Variants in SYN2 observed in about 807,000 individuals in gnomAD.
The protein encoded by SYN2 is synapsin II, also known as synapsin-2.
A neutral mutation model predicts 50.9 loss-of-function variants in SYN2; 19 were observed. The observed-to-expected ratio is 0.37, with a 90% CI of 0.26 to 0.55. The LOEUF (loss-of-function observed/expected upper bound fraction) is 0.55. SYN2 is among the 20% of genes least tolerant of loss of function. The pLI is 0.81. For missense variants in SYN2, 587 were observed against 576.4 expected (o/e 1.02, Z -0.19); for synonymous variants, 255 against 224.9 (o/e 1.13, Z -1.20).
At chr3:12,115,683 T>C (rs1559425939) in intron 1 of SYN2, among the ~76,000 whole-genome samples, 1 of 152,204 alleles carries the variant, frequency 6.6e-6, no homozygotes, top group Non-Finnish European at 1.5e-5. Flanking sequence ...GGGTTCTGGC[T>C]GATGGTCTTT....
chr3:12,158,656 C>T, intron 5 of SYN2: 1 of 1,604,050 alleles, frequency 6.2e-7, no homozygotes, highest in South Asian at 1.1e-5. Flanking sequence ...GATACTAATC[C>T]CCCACAACCA....
chr3:12,086,916 G>C (rs1423045838), intron 1 of SYN2, among the ~76,000 whole-genome samples: 1 of 152,070 alleles, frequency 6.6e-6, no homozygotes, highest in Non-Finnish European at 1.5e-5. Flanking sequence ...AGGAGGAAGG[G>C]AAATTGTTTC....
intron 7 of SYN2, among the ~76,000 whole-genome samples, chr3:12,163,190 C>T (rs12486565): frequency 0.031 from 4,446 of 142,928 alleles, 147 homozygotes; most frequent in East Asian, 0.19. Flanking sequence ...TGCAATGAGC[C>T]GAGATCGCGC....
At chr3:12,108,810 A>T (rs1285852563) in intron 1 of SYN2, among the ~76,000 whole-genome samples, 2 of 24,346 alleles carry the variant, frequency 8.2e-5, no homozygotes, top group South Asian at 3.8e-3. Flanking sequence ...GTTGGGTTTA[A>T]AAAAAAAAAA....
intron 10 of SYN2, among the ~76,000 whole-genome samples, chr3:12,174,069 C>T (rs2125247198): frequency 6.6e-6 from 1 of 152,128 alleles, no homozygotes; most frequent in East Asian, 1.9e-4. Flanking sequence ...TTTCATTCTA[C>T]ATCATTGGCT....
chr3:12,186,065 C>T (rs962239062), intron 11 of SYN2, among the ~76,000 whole-genome samples: 7 of 152,180 alleles, frequency 4.6e-5, no homozygotes, highest in African/African-American at 1.7e-4. Context: ...GGGAACTGAG[C>T]GGATAGTCAT....
intron 1 of SYN2, among the ~76,000 whole-genome samples, chr3:12,100,822 C>T (rs1696057455): frequency 6.6e-6 from 1 of 152,094 alleles, no homozygotes. Flanking sequence ...ATAGACATTT[C>T]TCTAAAGAAC....
chr3:12,166,103 T>G lies in SYN2; in HGVS notation c.981-1131T>G, dbSNP rs139788952. On this transcript the variant is annotated intron_variant, in intron 7 of 12. Coordinates refer to ENST00000621198, the MANE Select transcript of SYN2 (RefSeq NM_133625.6). ...TACTGTCCAAGCATAAGGACTGTTG[T>G]GACCCTGTTCGTTAACTCATGGGGC... is the stretch of plus-strand genomic sequence containing the variant. Among the ~76,000 whole-genome samples, 29 of 152,336 alleles carry G rather than the reference T, an allele frequency of 1.9e-4. 1 individual carries two copies. The highest frequency in any genetic ancestry group is 3.3e-4 in the Admixed American group (5 of 15,290).
At chr3:12,009,581 A>G (rs1295437185) in intron 1 of SYN2, among the ~76,000 whole-genome samples, 4 of 152,216 alleles carry the variant, frequency 2.6e-5, no homozygotes, top group African/African-American at 9.6e-5. Context: ...CTCCATTTCA[A>G]GTTTCTTTTT....
intron 1 of SYN2, among the ~76,000 whole-genome samples, chr3:12,029,785 G>T (rs1314944997): frequency 2.5e-5 from 2 of 81,072 alleles, no homozygotes; most frequent in African/African-American, 7.5e-5. Flanking sequence ...GGGCTGAGAC[G>T]ATGGGGTTTT....
At chr3:12,144,245 T>C (rs1429902972) in intron 3 of SYN2, among the ~76,000 whole-genome samples, 1 of 152,188 alleles carries the variant, frequency 6.6e-6, no homozygotes, top group Non-Finnish European at 1.5e-5. Flanking sequence ...CATTCTGTAC[T>C]CTCAGGGCTT....
intron 9 of SYN2, among the ~76,000 whole-genome samples, chr3:12,169,023 G>A (rs751912122): frequency 1.6e-4 from 24 of 152,208 alleles, no homozygotes; most frequent in Admixed American, 8.5e-4. Context: ...CTCCTTACTA[G>A]GAGTTGGTGG....
intron 1 of SYN2, among the ~76,000 whole-genome samples, chr3:12,136,192 A>G (rs1321681431): frequency 1.3e-5 from 2 of 152,220 alleles, no homozygotes; most frequent in Non-Finnish European, 2.9e-5. Context: ...AAATAGCATA[A>G]ATGTTTGCTG....
chr3:12,090,453 A>G (rs917776164), intron 1 of SYN2, among the ~76,000 whole-genome samples: 1 of 152,204 alleles, frequency 6.6e-6, no homozygotes, highest in African/African-American at 2.4e-5. Flanking sequence ...GCTAAGCTGA[A>G]GAGTCTGAAG....
chr3:12,144,635 C>T (rs1697103054), intron 3 of SYN2, among the ~76,000 whole-genome samples: 1 of 152,178 alleles, frequency 6.6e-6, no homozygotes, highest in Non-Finnish European at 1.5e-5. Flanking sequence ...TTCTTCCCTC[C>T]TAAGGGTATT....
chr3:12,169,774 G>C lies in SYN2; in HGVS notation c.1176G>C (p.Met392Ile), dbSNP rs1219935101. The change falls in exon 10 of 13, where the codon ATG (methionine) becomes ATC (isoleucine). Residue 392 changes from methionine to isoleucine, a missense_variant. Met to Ile is a conservative substitution (Grantham distance 10, BLOSUM62 1). Transcript: ENST00000621198. ...DYIFEVMDCS[M>I]PLIGEHQVED... ...CCCACCAGGTCATGGACTGTAGCAT[G>C]CCACTGATTGGGGAACATCAGGTGG... 3.1e-6 allele frequency: 5 copies of C among 1,613,820 alleles called. No individual in the cohort carries two copies. The African/African-American group carries it at 6.7e-5, about 22-fold the overall frequency.
At chr3:12,171,689 C>T (rs1253947562) in intron 10 of SYN2, among the ~76,000 whole-genome samples, 1 of 152,200 alleles carries the variant, frequency 6.6e-6, no homozygotes, top group Non-Finnish European at 1.5e-5. Context: ...CACTGCTTCA[C>T]CAGGTGACCT....
chr3:12,150,719 T>C (rs1316426111), intron 4 of SYN2, among the ~76,000 whole-genome samples: 1 of 152,250 alleles, frequency 6.6e-6, no homozygotes, highest in Non-Finnish European at 1.5e-5. Flanking sequence ...AACAGCTTCA[T>C]TTTATGATGC....
chr3:12,166,609 G>T (rs147101676), intron 7 of SYN2, among the ~76,000 whole-genome samples: 1 of 152,192 alleles, frequency 6.6e-6, no homozygotes, highest in Non-Finnish European at 1.5e-5. Flanking sequence ...GACAGACAAG[G>T]CAACTTAACC....
Sources: gnomAD v4.1 joint callset for allele counts (sites outside exome capture counted in the v4.1 genomes callset) on GRCh38, gnomAD v4.1.1 for gene constraint, MANE v1.5 for transcripts, NCBI Gene and HGNC (gene_info 2026-07-23, HGNC 2026-07-21) for gene names.